ZNF681: variants seen among roughly 807,000 people sequenced by gnomAD.
The protein encoded by ZNF681 is hypothetical protein FLJ31526.
A neutral mutation model predicts 56.0 loss-of-function variants in ZNF681; 37 were observed. The observed-to-expected ratio is 0.66, with a 90% CI of 0.51 to 0.87. The LOEUF (loss-of-function observed/expected upper bound fraction) is 0.87. Among genes scored for constraint, ZNF681 ranks in the 40% least tolerant of loss-of-function variants. The pLI is 0.00. For missense variants in ZNF681, 741 were observed against 744.9 expected, an observed-to-expected ratio of 0.99 and a Z score of 0.06; for synonymous variants, 225 against 248.6, an observed-to-expected ratio of 0.91 and a Z score of 0.89.
In ZNF681 at chr19:23,740,520, G is replaced by A. The variant is rs991056231; in HGVS notation, c.*3092C>T. The A allele has an allele frequency of 1.3e-5, 2 of 152,082 alleles. No homozygotes were observed. The highest frequency in any genetic ancestry group is 2.9e-5 in the Non-Finnish European group (2 of 68,010). The allele number at this position is 152,082 out of a possible 1,614,324, so 9.4% of individuals were successfully genotyped here. A position where few individuals can be genotyped will look rare whatever the true frequency, so the allele number is the denominator to read the frequency against. ...AATTGATATGTTCCATCTCTGTCTTGAAGTTACAAACTAACTCCAACAGGA... is the reference window on the plus strand; with the variant it reads ...AATTGATATGTTCCATCTCTGTCTTAAAGTTACAAACTAACTCCAACAGGA... On this transcript the variant is annotated 3_prime_UTR_variant, in exon 4 of 4. Transcript: ENST00000402377.
rs537953135 is a variant in ZNF681, at chr19:23,750,135, A to G, written c.226+4688T>C. Among the ~76,000 whole-genome samples, 128 of 151,770 alleles carry G rather than the reference A, an allele frequency of 8.4e-4. 1 individual carries two copies. Among genetic ancestry groups the G allele is most frequent in the Non-Finnish European group, 1.2e-3 (84 of 67,910 alleles). The stretch of plus-strand genomic sequence containing the variant: ...CCCCATCTCTACTAAAAATACAAAA[A>G]ATATCTGGGTGTGGTGACATGAGCC... On this transcript the variant is annotated intron_variant, in intron 3 of 3. Coordinates refer to ENST00000402377, the MANE Select transcript of ZNF681 (RefSeq NM_138286.3).
In ZNF681 at chr19:23,745,298, G is replaced by C. The variant is rs1701320520; in HGVS notation, c.252C>G (p.Asp84Glu). The change falls in exon 4 of 4, where the codon GAC becomes GAG. Residue 84 changes from aspartate to glutamate, a missense_variant. Transcript: ENST00000402377. ...PPVICSHFAQ[D>E]FSPEQNIKDS... ...CTTTTATGTTCTGCTCTGGTGAAAA[G>C]TCTTGGGCAAAATGAGAACAAATAA... 6.4e-7 allele frequency: 1 copy of C among 1,567,766 alleles called. No homozygotes were observed. The highest frequency in any genetic ancestry group is 8.6e-7 in the Non-Finnish European group (1 of 1,162,850).
Position 23,742,863 on chromosome 19 carries a change from A to G in ZNF681, c.*749T>C, listed in dbSNP as rs1179469617. The G allele has an allele frequency of 6.6e-6, 1 of 152,128 alleles. No individual in the cohort carries two copies. The highest frequency in any genetic ancestry group is 1.5e-5 in the Non-Finnish European group (1 of 68,018). 9.4% of individuals were successfully genotyped at this position (152,128 alleles called of 1,614,324 possible). On this transcript the variant is annotated 3_prime_UTR_variant, in exon 4 of 4. Transcript: ENST00000402377. ...AAAGGATAGTTTGAATGTAGTTACA[A>G]CTCTGCAAAAATTTTCTACTTCTTA...
At position 23,740,536 on chromosome 19, in the gene ZNF681, T is replaced by C. The variant is rs1030612997; in HGVS notation, c.*3076A>G. The C allele has an allele frequency of 6.6e-6, 1 of 152,166 alleles. No individual in the cohort carries two copies. Among genetic ancestry groups the C allele is most frequent in the Non-Finnish European group, 1.5e-5 (1 of 68,042 alleles). 9.4% of individuals were successfully genotyped at this position (152,166 alleles called of 1,614,324 possible). ...CTCTGTCTTGAAGTTACAAACTAACTCCAACAGGAATATTTATGGCTTATT... is the reference window on the plus strand; with the variant it reads ...CTCTGTCTTGAAGTTACAAACTAACCCCAACAGGAATATTTATGGCTTATT... On this transcript the variant is annotated 3_prime_UTR_variant, in exon 4 of 4. Coordinates refer to ENST00000402377, the MANE Select transcript of ZNF681 (RefSeq NM_138286.3).
intron 3 of ZNF681, 113 bp from the exon 4 acceptor site, chr19:23,745,436 A>C: frequency 6.1e-6 from 5 of 815,532 alleles, no homozygotes; most frequent in Non-Finnish European, 8.5e-6. Context: ...ATAGCAAAAT[A>C]CCAAAGGCCC....
At chr19:23,750,449 T>G (rs1969010747) in intron 3 of ZNF681, among the ~76,000 whole-genome samples, 1 of 152,036 alleles carries the variant, frequency 6.6e-6, no homozygotes, top group Non-Finnish European at 1.5e-5. Context: ...CACATTGACT[T>G]AAAGTGTACA....
chr19:23,753,254 C>A (rs1254063343), intron 3 of ZNF681, among the ~76,000 whole-genome samples: 1 of 152,222 alleles, frequency 6.6e-6, no homozygotes, highest in African/African-American at 2.4e-5. Flanking sequence ...CAAAAATTAG[C>A]CAGGCATGGT....
chr19:23,754,992 A>AAGAG, intron 2 of ZNF681, 74 bp from the exon 3 acceptor site: 2 of 1,092,242 alleles, frequency 1.8e-6, no homozygotes, highest in South Asian at 1.5e-5. Context: ...GTAGTCAGTA[A>AAGAG]AGAGGGTGAA....
Position 23,744,096 on chromosome 19 carries a change from T to A in ZNF681, c.1454A>T (p.Lys485Ile), listed in dbSNP as rs1478424879. The A allele has an allele frequency of 6.2e-7, 1 of 1,612,274 alleles. No individual in the cohort carries two copies. Reference protein sequence around the residue: ...EKPYKCEECGKAFNQSSILTT... With the variant: ...EKPYKCEECGIAFNQSSILTT... The stretch of plus-strand genomic sequence containing the variant: ...AAGGATTGAGGACTGGTTAAAAGCT[T>A]TGCCACATTCTTCACATTTGTAGGG... Residue 485 changes from lysine (K) to isoleucine (I), a missense_variant, in exon 4 of 4, where the codon AAA (lysine) becomes ATA (isoleucine). By Grantham distance (102) the Lys-to-Ile change is moderately radical. Coordinates refer to ENST00000402377, the MANE Select transcript of ZNF681 (RefSeq NM_138286.3).
rs188201736 is a variant in ZNF681, at chr19:23,743,741, T to G, written c.1809A>C (p.Ser603=). The change falls in exon 4 of 4, where the codon TCA becomes TCC. Residue 603 remains serine, a synonymous_variant. Transcript: ENST00000402377. ...EKCGKAFNQS[S]NLTGHKKIHT... is the part of the protein sequence containing the mutation. Reference sequence around the variant, plus strand: ...GAATTTTCTTATGTCCAGTAAGGTTTGAGGACTGGTTAAAAGCTTTGCCAC... The same window carrying G: ...GAATTTTCTTATGTCCAGTAAGGTTGGAGGACTGGTTAAAAGCTTTGCCAC... 300 of 1,611,566 alleles carry G rather than the reference T, an allele frequency of 1.9e-4. No individual in the cohort carries two copies. In the East Asian group the frequency reaches 5.9e-3, roughly 32 times the overall value.
intron 3 of ZNF681, among the ~76,000 whole-genome samples, chr19:23,754,206 T>C (rs1213595753): frequency 6.6e-6 from 1 of 152,004 alleles, no homozygotes; most frequent in Non-Finnish European, 1.5e-5. Flanking sequence ...TATTTGTGTG[T>C]CCCCCAAAAC....
At chr19:23,758,014 G>T (rs1039686353) in intron 1 of ZNF681, among the ~76,000 whole-genome samples, 4 of 152,140 alleles carry the variant, frequency 2.6e-5, no homozygotes, top group African/African-American at 7.2e-5. Flanking sequence ...CAAGGTAAAA[G>T]AAATGGAAAT....
At chr19:23,751,951 T>C (rs562585510) in intron 3 of ZNF681, among the ~76,000 whole-genome samples, 2 of 152,072 alleles carry the variant, frequency 1.3e-5, no homozygotes, top group South Asian at 4.2e-4. Context: ...CCTCCCAGAG[T>C]GCTGGGATTA....
At chr19:23,749,135 T>C (rs1968987645) in intron 3 of ZNF681, among the ~76,000 whole-genome samples, 1 of 152,152 alleles carries the variant, frequency 6.6e-6, no homozygotes, top group South Asian at 2.1e-4. Flanking sequence ...ATGTAACATA[T>C]AAATACAATG....
intron 1 of ZNF681, 149 bp downstream of exon 1, chr19:23,758,598 A>T: frequency 8.4e-7 from 1 of 1,193,864 alleles, no homozygotes; most frequent in Non-Finnish European, 1.2e-6. Flanking sequence ...GCTGGCTGTC[A>T]GCGCAGCCGC....
Position 23,744,740 on chromosome 19 carries a change from T to C in ZNF681, c.810A>G (p.Thr270=), listed in dbSNP as rs767225876. The C allele has an allele frequency of 1.2e-6, 2 of 1,613,544 alleles. No individual in the cohort carries two copies. The highest frequency in any genetic ancestry group is 2.7e-5 in the African/African-American group (2 of 74,892). ...CTCCAGTATGAATTATTGTATGTGT[T>C]GTAATGTGTGACGACAGGTTAAAGG... ...SKAFNLSSHI[T]THTIIHTGEN... Residue 270 remains threonine, a synonymous_variant, in exon 4 of 4, where the codon ACA becomes ACG. Coordinates refer to ENST00000402377, the MANE Select transcript of ZNF681 (RefSeq NM_138286.3).
chr19:23,755,510 C>T lies in ZNF681; in HGVS notation c.45G>A (p.Leu15=). ...TAGTGTCCAGGCATTGCCACTCCTC[C>T]AGAGAGAATTCTATGGCCACATCCC... is the stretch of plus-strand genomic sequence containing the variant. ...KFRDVAIEFS[L]EEWQCLDTIQ... is the part of the protein sequence containing the mutation. Residue 15 remains leucine (L), a synonymous_variant, in exon 2 of 4, where the codon CTG becomes CTA. Coordinates refer to ENST00000402377, the MANE Select transcript of ZNF681 (RefSeq NM_138286.3). 1 of 1,606,762 alleles carries T rather than the reference C, an allele frequency of 6.2e-7. No homozygotes were observed. The highest frequency in any genetic ancestry group is 1.3e-5 in the African/African-American group (1 of 74,410).
rs536909959 is a variant in ZNF681, at chr19:23,742,846, G to C, written c.*766C>G. ...AAAACCTAATTTTTTTCAAAGGATA[G>C]TTTGAATGTAGTTACAACTCTGCAA... On this transcript the variant is annotated 3_prime_UTR_variant, in exon 4 of 4. Transcript: ENST00000402377. 2 of 152,180 alleles carry C rather than the reference G, an allele frequency of 1.3e-5. No individual in the cohort carries two copies. Among genetic ancestry groups the C allele is most frequent in the South Asian group, 4.1e-4 (2 of 4,824 alleles). 9.4% of individuals were successfully genotyped at this position (152,180 alleles called of 1,614,324 possible).
intron 3 of ZNF681, 126 bp downstream of exon 3, chr19:23,754,697 G>A: frequency 1.2e-6 from 1 of 819,050 alleles, no homozygotes; most frequent in Admixed American, 2.6e-5. Flanking sequence ...GAAAAACTCT[G>A]GCTTTCCAGA....
Sources: allele counts gnomAD v4.1 joint callset (sites outside exome capture counted in the v4.1 genomes callset), GRCh38; gene constraint gnomAD v4.1.1; transcripts MANE v1.5; gene names NCBI Gene and HGNC (gene_info 2026-07-23, HGNC 2026-07-21).